The following CHLSN variants were observed in gnomAD, a reference collection of about 807,000 sequenced individuals.
The protein encoded by CHLSN is cholesin.
the CHLSN span, chr7:1,087,028 C>CA: frequency 2.0e-5 from 3 of 152,270 alleles, no homozygotes; most frequent in African/African-American, 7.2e-5. Context: ...GCTCTGCCCT[C>CA]ATGGGGCGGC....
At chr7:1,113,307 C>A in the CHLSN span, among the ~76,000 whole-genome samples, 1 of 152,150 alleles carries the variant, frequency 6.6e-6, no homozygotes, top group African/African-American at 2.4e-5. Context: ...CACTGGCTTG[C>A]TGAGTACTGT....
At chr7:1,117,323 T>C in the CHLSN span, among the ~76,000 whole-genome samples, 138 of 88,942 alleles carry the variant, frequency 1.6e-3, 19 homozygotes, top group African/African-American at 8.2e-3. Context: ...ACAGACCGGC[T>C]TCCATCACCG....
At chr7:1,044,980 C>T in the CHLSN span, among the ~76,000 whole-genome samples, 15 of 152,268 alleles carry the variant, frequency 9.9e-5, no homozygotes, top group African/African-American at 3.6e-4. Flanking sequence ...ACTGATCCTG[C>T]TCTCCTGGGC....
the CHLSN span, among the ~76,000 whole-genome samples, chr7:1,126,659 C>T: frequency 2.0e-5 from 3 of 151,772 alleles, no homozygotes; most frequent in Admixed American, 6.6e-5. Context: ...CCAGCCTGGG[C>T]GACAGAGACT....
chr7:1,058,182 G>T, the CHLSN span: 1 of 740,900 alleles, frequency 1.3e-6, no homozygotes, highest in East Asian at 2.5e-5. Flanking sequence ...CCTGGACCGG[G>T]ACACGGGCCG....
chr7:1,124,642 A>G, the CHLSN span, among the ~76,000 whole-genome samples: 1 of 151,304 alleles, frequency 6.6e-6, no homozygotes, highest in Non-Finnish European at 1.5e-5. Context: ...GCAGCGCACC[A>G]GCATGGCACA....
At chr7:1,034,750 T>C in the CHLSN span, among the ~76,000 whole-genome samples, 1 of 151,970 alleles carries the variant, frequency 6.6e-6, no homozygotes, top group Non-Finnish European at 1.5e-5. Context: ...TTTTTCACCT[T>C]CTCTCCCTCC....
the CHLSN span, chr7:987,591 CA>C: frequency 4.2e-6 from 6 of 1,421,526 alleles, no homozygotes; most frequent in Non-Finnish European, 5.6e-6. Flanking sequence ...GGCGGGGGTC[CA>C]GGGGCACTGG....
the CHLSN span, chr7:986,930 G>C: frequency 7.6e-7 from 1 of 1,321,624 alleles, no homozygotes; most frequent in Non-Finnish European, 1.0e-6. Context: ...GCCTCTCAGA[G>C]CCTCAGTCTC....
At chr7:978,133 C>G in the CHLSN span, among the ~76,000 whole-genome samples, 1 of 152,206 alleles carries the variant, frequency 6.6e-6, no homozygotes, top group African/African-American at 2.4e-5. Context: ...TTTTAATTGA[C>G]TGTCACCTGG....
the CHLSN span, chr7:1,091,814 C>G: frequency 1.3e-6 from 2 of 1,597,190 alleles, no homozygotes; most frequent in East Asian, 4.5e-5. Context: ...ACCACCTCCC[C>G]CGAGCTCAAC....
the CHLSN span, among the ~76,000 whole-genome samples, chr7:1,123,712 CATG>C: frequency 6.6e-6 from 1 of 151,920 alleles, no homozygotes; most frequent in Non-Finnish European, 1.5e-5. The surrounding 1 kb of genome is among the most constrained non-coding windows in gnomAD (Gnocchi z 4.4). Context: ...CATACAAGAA[CATG>C]AGCCCCTGAG....
At chr7:1,136,441 TA>T in the CHLSN span, among the ~76,000 whole-genome samples, 10 of 119,562 alleles carry the variant, frequency 8.4e-5, no homozygotes, top group Non-Finnish European at 1.6e-4. Context: ...AACATATATA[TA>T]AATATATATA....
chr7:1,090,342 G>A, the CHLSN span, among the ~76,000 whole-genome samples: 11 of 152,342 alleles, frequency 7.2e-5, no homozygotes, highest in South Asian at 4.1e-4. Flanking sequence ...CCCGTGGCCC[G>A]CTGCATAGAG....
the CHLSN span, among the ~76,000 whole-genome samples, chr7:1,049,728 G>C: frequency 2.6e-5 from 4 of 152,256 alleles, no homozygotes; most frequent in East Asian, 7.7e-4. Context: ...AATTAGACCA[G>C]AGGTCAAGGC....
At chr7:990,839 C>G in the CHLSN span, among the ~76,000 whole-genome samples, 1 of 152,166 alleles carries the variant, frequency 6.6e-6, no homozygotes. Context: ...CCCAGTGTGA[C>G]TGGTGAGCCC....
chr7:1,019,341 G>C, the CHLSN span, among the ~76,000 whole-genome samples: 2 of 152,124 alleles, frequency 1.3e-5, no homozygotes, highest in South Asian at 2.1e-4. Flanking sequence ...TGACAGGTCC[G>C]TGTTGTTCAA....
At chr7:1,018,585 C>T in the CHLSN span, among the ~76,000 whole-genome samples, 31 of 150,546 alleles carry the variant, frequency 2.1e-4, no homozygotes, top group Middle Eastern at 3.8e-3. Context: ...GGTGTGCACG[C>T]GGGCGGGTGG....
At chr7:1,123,284 C>A in the CHLSN span, among the ~76,000 whole-genome samples, 1 of 152,214 alleles carries the variant, frequency 6.6e-6, no homozygotes, top group Non-Finnish European at 1.5e-5. This position sits in a 1 kb window ranked among gnomAD's most constrained non-coding sequence, Gnocchi z 4.4. Flanking sequence ...GGGGACGTGG[C>A]GGCGATCCTG....
Sources: gnomAD v4.1 joint callset for allele counts (sites outside exome capture counted in the v4.1 genomes callset) on GRCh38, gnomAD v4.1.1 for gene constraint, Gnocchi (gnomAD v3.1) non-coding constraint, MANE v1.5 for transcripts, NCBI Gene and HGNC (gene_info 2026-07-23, HGNC 2026-07-21) for gene names.